The following KIF5C variants were observed in gnomAD, a reference collection of about 807,000 sequenced individuals.
The protein encoded by KIF5C is kinesin family member 5C, also known as kinesin heavy chain isoform 5C.
Under a neutral mutation model 125.2 loss-of-function variants are expected in KIF5C, and 18 were observed. That is an observed-to-expected ratio of 0.14 (90% CI 0.10 to 0.21). The LOEUF (loss-of-function observed/expected upper bound fraction) is 0.21, where lower values mean the gene tolerates loss of function less well. KIF5C is among the 10% of genes least tolerant of loss of function. The pLI is 1.00. For missense variants in KIF5C, 780 were observed against 1,183.8 expected (o/e 0.66, Z 5.01); for synonymous variants, 405 against 434.0 (o/e 0.93, Z 0.83).
At chr2:148,890,087 G>A (rs1390648319) in intron 1 of KIF5C, among the ~76,000 whole-genome samples, 1 of 152,106 alleles carries the variant, frequency 6.6e-6, no homozygotes, top group Non-Finnish European at 1.5e-5. Flanking sequence ...CTATCATGTT[G>A]AGTACCATTT....
chr2:149,021,860 A>ACC (rs1411338273), intron 25 of KIF5C, among the ~76,000 whole-genome samples: 42 of 151,988 alleles, frequency 2.8e-4, no homozygotes, highest in African/African-American at 9.9e-4. Flanking sequence ...CCCCTAGAGT[A>ACC]CCATGAGCTC....
intron 3 of KIF5C, among the ~76,000 whole-genome samples, chr2:148,934,760 TC>T (rs1237278562): frequency 6.6e-6 from 1 of 151,330 alleles, no homozygotes; most frequent in Non-Finnish European, 1.5e-5. Flanking sequence ...AACCCCCACA[TC>T]ACACATATAT....
chr2:149,011,458 T>C (rs1414516673), intron 24 of KIF5C, 112 bp from the exon 25 acceptor site: 2 of 1,423,634 alleles, frequency 1.4e-6, no homozygotes, highest in East Asian at 5.0e-5. Flanking sequence ...AGAATTGTAC[T>C]GTTGGTAAGA....
At chr2:148,904,834 T>G (rs1681040287) in intron 1 of KIF5C, among the ~76,000 whole-genome samples, 1 of 152,178 alleles carries the variant, frequency 6.6e-6, no homozygotes, top group Admixed American at 6.6e-5. Context: ...AGTTGATAAT[T>G]TTAGGCAGTA....
intron 4 of KIF5C, among the ~76,000 whole-genome samples, chr2:148,940,413 A>G (rs1433044460): frequency 6.6e-6 from 1 of 152,216 alleles, no homozygotes; most frequent in Non-Finnish European, 1.5e-5. Context: ...AGTGGATTCC[A>G]GGGCTCAAGC....
chr2:148,878,377 T>C (rs1216643326), intron 1 of KIF5C: 1 of 152,260 alleles, frequency 6.6e-6, no homozygotes, highest in Non-Finnish European at 1.5e-5. Context: ...TTAAGTGTTA[T>C]GCTTGTCAAA....
At position 148,937,298 on chromosome 2, in the gene KIF5C, C is replaced by T. The variant is rs1057026810; in HGVS notation, c.306C>T (p.Asp102=). 8 of 1,595,896 alleles carry T rather than the reference C, an allele frequency of 5.0e-6. No homozygotes were observed. The highest frequency in any genetic ancestry group is 6.8e-6 in the Non-Finnish European group (8 of 1,170,406). Reference sequence around the variant, plus strand: ...TCGCCCACTAGGGGAAGCTGCATGACCCCCAGCTCATGGGGATCATCCCAC... The same window carrying T: ...TCGCCCACTAGGGGAAGCTGCATGATCCCCAGCTCATGGGGATCATCCCAC... ...KTHTMEGKLH[D]PQLMGIIPRI... Residue 102 remains aspartate, a synonymous_variant, in exon 4 of 26, where the codon GAC becomes GAT. Coordinates refer to ENST00000435030, the MANE Select transcript of KIF5C (RefSeq NM_004522.3).
At chr2:148,955,665 A>G (rs957906955) in intron 10 of KIF5C, among the ~76,000 whole-genome samples, 1 of 151,996 alleles carries the variant, frequency 6.6e-6, no homozygotes, top group Non-Finnish European at 1.5e-5. Context: ...ATATTTATCT[A>G]TCATCTGTCT....
intron 22 of KIF5C, 67 bp from the exon 23 acceptor site, chr2:149,007,896 A>G: frequency 7.2e-7 from 1 of 1,394,524 alleles, no homozygotes; most frequent in Non-Finnish European, 9.5e-7. Flanking sequence ...TTTTCCATCC[A>G]CATTATCCTG....
chr2:148,887,969 G>A (rs1681592914), intron 1 of KIF5C, among the ~76,000 whole-genome samples: 3 of 150,792 alleles, frequency 2.0e-5, no homozygotes, highest in African/African-American at 7.3e-5. Flanking sequence ...CCTTACCCCC[G>A]CAGCAAGGGC....
At position 148,875,575 on chromosome 2, in the gene KIF5C, G is replaced by GGGCCCCCCCCCCCCCCCCCC; in HGVS notation, c.-43_-42insGGCCCCCCCCCCCCCCCCCC. On this transcript the variant is annotated 5_prime_UTR_variant, in exon 1 of 26. Transcript: ENST00000435030. ...TCCTCCCTCGTCGTTCCCGGCCCCGGCCCCCCACCCATCCCCGTGCCCCCT... is the reference window on the plus strand; with the variant it reads ...TCCTCCCTCGTCGTTCCCGGCCCCGGGGCCCCCCCCCCCCCCCCCCCCCCCCACCCATCCCCGTGCCCCCT... 2 of 699,600 alleles carry GGGCCCCCCCCCCCCCCCCCC rather than the reference G, an allele frequency of 2.9e-6. No homozygotes were observed. Among genetic ancestry groups the GGGCCCCCCCCCCCCCCCCCC allele is most frequent in the Non-Finnish European group, 5.1e-6 (2 of 389,230 alleles). 43.3% of individuals were successfully genotyped at this position (699,600 alleles called of 1,614,324 possible).
In KIF5C at chr2:148,894,024, A is replaced by C. The variant is rs1201750258; in HGVS notation, c.126+18281A>C. Among the ~76,000 whole-genome samples, 17 of 152,332 alleles carry C rather than the reference A, an allele frequency of 1.1e-4. No homozygotes were observed. The East Asian group carries it at 3.3e-3, about 29-fold the overall frequency. On this transcript the variant is annotated intron_variant, in intron 1 of 25. Coordinates refer to ENST00000435030, the MANE Select transcript of KIF5C (RefSeq NM_004522.3). ...TGCACACACACACACCCCACCACAC[A>C]CACATACACACACTGGGAATACAGT...
At chr2:148,886,227 G>A (rs1681522547) in intron 1 of KIF5C, 1 of 152,326 alleles carries the variant, frequency 6.6e-6, no homozygotes, top group Non-Finnish European at 1.5e-5. Context: ...GATCCCGAGT[G>A]AGGCTGTCAG....
intron 1 of KIF5C, among the ~76,000 whole-genome samples, chr2:148,884,994 G>A (rs1468202174): frequency 2.0e-5 from 3 of 147,964 alleles, no homozygotes; most frequent in Non-Finnish European, 3.0e-5. Flanking sequence ...TTTTTGAGAC[G>A]GATTCTCACT....
chr2:148,942,133 T>A, intron 6 of KIF5C, 143 bp downstream of exon 6: 2 of 912,594 alleles, frequency 2.2e-6, no homozygotes, highest in Non-Finnish European at 3.2e-6. Flanking sequence ...ATTCATCTGG[T>A]TTTAAAAATT....
chr2:148,895,979 A>C (rs1395771858), intron 1 of KIF5C, among the ~76,000 whole-genome samples: 1 of 152,128 alleles, frequency 6.6e-6, no homozygotes, highest in Non-Finnish European at 1.5e-5. Context: ...TACCCCCCTG[A>C]AGGCCCTATC....
intron 10 of KIF5C, among the ~76,000 whole-genome samples, chr2:148,960,287 TTA>T: frequency 6.6e-6 from 1 of 152,326 alleles, no homozygotes; most frequent in African/African-American, 2.4e-5. Context: ...AAGGGACTCT[TTA>T]TGATTTAAAA....
At chr2:148,932,858 G>A (rs563330526) in intron 3 of KIF5C, among the ~76,000 whole-genome samples, 3 of 152,256 alleles carry the variant, frequency 2.0e-5, no homozygotes, top group African/African-American at 4.8e-5. Context: ...GCCCTGCTTG[G>A]GAGGTCAAGG....
At chr2:148,955,734 ACT>A (rs1232766063) in intron 10 of KIF5C, among the ~76,000 whole-genome samples, 1 of 151,868 alleles carries the variant, frequency 6.6e-6, no homozygotes, top group Non-Finnish European at 1.5e-5. Flanking sequence ...AGAATGCTAT[ACT>A]CTCTATCCTC....
Sources: allele counts gnomAD v4.1 joint callset (sites outside exome capture counted in the v4.1 genomes callset), GRCh38; gene constraint gnomAD v4.1.1; transcripts MANE v1.5; gene names NCBI Gene and HGNC (gene_info 2026-07-23, HGNC 2026-07-21).